The following GALNTL6 variants were observed in gnomAD, a reference collection of about 807,000 sequenced individuals.
GALNTL6 encodes the protein polypeptide N-acetylgalactosaminyltransferase-like 6.
Under a neutral mutation model 73.7 loss-of-function variants are expected in GALNTL6, and 46 were observed. That is an observed-to-expected ratio of 0.62 (90% confidence interval 0.49 to 0.80). The LOEUF is 0.80. GALNTL6 is among the 30% of genes least tolerant of loss of function. The pLI is 0.00. For missense variants in GALNTL6, 604 were observed against 755.0 expected (o/e 0.80, Z 2.34); for synonymous variants, 259 against 263.7 (o/e 0.98, Z 0.17).
At chr4:172,130,226 G>A (rs1733451535) in intron 2 of GALNTL6, among the ~76,000 whole-genome samples, 1 of 126,578 alleles carries the variant, frequency 7.9e-6, no homozygotes, top group South Asian at 2.6e-4. Context: ...GATGGCCTTT[G>A]TCCAAGGTTG....
At chr4:172,167,923 C>T (rs1403989518) in intron 2 of GALNTL6, among the ~76,000 whole-genome samples, 1 of 144,436 alleles carries the variant, frequency 6.9e-6, no homozygotes, top group African/African-American at 2.6e-5. Flanking sequence ...TGCGCCACTG[C>T]AGTCCGCAGT....
chr4:172,377,321 G>T (rs1743068440), intron 5 of GALNTL6, among the ~76,000 whole-genome samples: 1 of 152,140 alleles, frequency 6.6e-6, no homozygotes, highest in Admixed American at 6.5e-5. Context: ...AGTTCTCCAG[G>T]TCCCCACCAG....
chr4:171,937,235 G>A lies in GALNTL6; in HGVS notation c.138+122517G>A, dbSNP rs142308683. ...ATTCACTGTTTGACATGAGTGCGAT[G>A]AAATGACATTGAATTTTTAATAAGA... On this transcript the variant is annotated intron_variant, in intron 2 of 12. Coordinates refer to ENST00000506823, the MANE Select transcript of GALNTL6 (RefSeq NM_001034845.3). 1.7e-3 allele frequency among the ~76,000 whole-genome samples: 256 copies of A among 152,168 alleles called. 2 individuals are homozygous for A. Among genetic ancestry groups the A allele is most frequent in the Admixed American group, 0.012 (177 of 15,276 alleles).
chr4:172,478,525 A>C (rs1733323579), intron 5 of GALNTL6, among the ~76,000 whole-genome samples: 1 of 152,212 alleles, frequency 6.6e-6, no homozygotes, highest in Non-Finnish European at 1.5e-5. Context: ...TGGATTAAAG[A>C]CTTACATGTA....
intron 5 of GALNTL6, among the ~76,000 whole-genome samples, chr4:172,779,650 G>C (rs1166961941): frequency 6.6e-6 from 1 of 152,178 alleles, no homozygotes; most frequent in Non-Finnish European, 1.5e-5. Flanking sequence ...CTTTTTAGGG[G>C]AATGGTTACT....
Position 172,863,597 on chromosome 4 carries a change from T to G in GALNTL6, c.924-19193T>G, listed in dbSNP as rs566468792. Among the ~76,000 whole-genome samples, 8 of 152,350 alleles carry G rather than the reference T, an allele frequency of 5.3e-5. No homozygotes were observed. The East Asian group carries it at 1.5e-3, about 29-fold the overall frequency. On this transcript the variant is annotated intron_variant, in intron 7 of 12. Coordinates refer to ENST00000506823, the MANE Select transcript of GALNTL6 (RefSeq NM_001034845.3). ...AATGGCTGTATTTACCCAATGCCTG[T>G]ACCCCCATTGTATTTAGGAAGTAAT...
intron 7 of GALNTL6, among the ~76,000 whole-genome samples, chr4:172,834,461 G>A (rs1328210689): frequency 6.6e-6 from 1 of 152,238 alleles, no homozygotes; most frequent in Non-Finnish European, 1.5e-5. Flanking sequence ...GACAGGACAA[G>A]GCACTTCCCA....
chr4:172,502,271 G>T (rs999640643), intron 5 of GALNTL6, among the ~76,000 whole-genome samples: 6 of 152,104 alleles, frequency 3.9e-5, no homozygotes, highest in African/African-American at 1.4e-4. Context: ...TCATTCTGAT[G>T]TGCCTTTTAA....
intron 2 of GALNTL6, among the ~76,000 whole-genome samples, chr4:171,869,433 C>G (rs1009021257): frequency 6.6e-6 from 1 of 152,168 alleles, no homozygotes; most frequent in Non-Finnish European, 1.5e-5. Context: ...CTTCCTCTTG[C>G]TTGGCACACC....
intron 2 of GALNTL6, among the ~76,000 whole-genome samples, chr4:171,999,990 A>G (rs1393779701): frequency 6.6e-6 from 1 of 152,118 alleles, no homozygotes; most frequent in African/African-American, 2.4e-5. Flanking sequence ...GGGAAAGTAA[A>G]AGTTTTCTTT....
intron 5 of GALNTL6, among the ~76,000 whole-genome samples, chr4:172,575,874 G>C (rs1338713407): frequency 6.6e-6 from 1 of 152,072 alleles, no homozygotes; most frequent in Non-Finnish European, 1.5e-5. Context: ...ACAGTTTTGG[G>C]ATTTGCTATA....
intron 5 of GALNTL6, among the ~76,000 whole-genome samples, chr4:172,448,868 A>G (rs1199262362): frequency 1.3e-5 from 2 of 152,194 alleles, no homozygotes; most frequent in Non-Finnish European, 2.9e-5. Flanking sequence ...TGACAACCTT[A>G]TAATCTTATT....
intron 3 of GALNTL6, among the ~76,000 whole-genome samples, chr4:172,279,442 T>A (rs1480894809): frequency 6.6e-6 from 1 of 151,958 alleles, no homozygotes; most frequent in Non-Finnish European, 1.5e-5. Flanking sequence ...ATACAAAATA[T>A]CAATAAGCAT....
chr4:172,367,004 T>C (rs760603635), intron 5 of GALNTL6, among the ~76,000 whole-genome samples: 24 of 152,228 alleles, frequency 1.6e-4, no homozygotes, highest in Non-Finnish European at 3.4e-4. Context: ...GAGATTTAAG[T>C]TGTAAAATTA....
chr4:172,797,012 CATT>C (rs1334871347), intron 5 of GALNTL6, among the ~76,000 whole-genome samples: 1 of 152,136 alleles, frequency 6.6e-6, no homozygotes, highest in Non-Finnish European at 1.5e-5. Context: ...CACTAACACA[CATT>C]ATTTTGAGAT....
chr4:172,296,631 C>A (rs113720368), intron 3 of GALNTL6, among the ~76,000 whole-genome samples: 102 of 152,098 alleles, frequency 6.7e-4, no homozygotes, highest in African/African-American at 2.2e-3. Context: ...TTTGTCCTTG[C>A]GATAGTTTGC....
intron 2 of GALNTL6, among the ~76,000 whole-genome samples, chr4:171,829,479 C>T (rs1383176044): frequency 6.6e-6 from 1 of 152,144 alleles, no homozygotes; most frequent in East Asian, 1.9e-4. Context: ...CAATTGATCA[C>T]TATTTCACTG....
chr4:172,150,762 T>G (rs1029967820), intron 2 of GALNTL6, among the ~76,000 whole-genome samples: 1 of 152,004 alleles, frequency 6.6e-6, no homozygotes, highest in African/African-American at 2.4e-5. Context: ...AAAGATACAT[T>G]GTAAAGGGAA....
chr4:172,608,785 T>C (rs1191971979), intron 5 of GALNTL6, among the ~76,000 whole-genome samples: 1 of 152,210 alleles, frequency 6.6e-6, no homozygotes, highest in Non-Finnish European at 1.5e-5. Flanking sequence ...CATTTGTTTG[T>C]GTTGTCTCTG....
Sources: gnomAD v4.1 joint callset for allele counts (sites outside exome capture counted in the v4.1 genomes callset) on GRCh38, gnomAD v4.1.1 for gene constraint, MANE v1.5 for transcripts, NCBI Gene and HGNC (gene_info 2026-07-23, HGNC 2026-07-21) for gene names.